PLBD1: variants seen among roughly 807,000 people sequenced by gnomAD.
PLBD1 encodes the protein lysosomal leucine aminopeptidase.
Under a neutral mutation model 63.0 loss-of-function variants are expected in PLBD1, and 60 were observed. That is an observed-to-expected ratio of 0.95 (90% confidence interval 0.77 to 1.18). The LOEUF (loss-of-function observed/expected upper bound fraction) is 1.18, where lower values mean the gene tolerates loss of function less well. Among genes scored for constraint, PLBD1 ranks in the 50% most tolerant of loss-of-function variants. The pLI is 0.00. For synonymous variants in PLBD1, 262 were observed against 248.0 expected (o/e 1.06, Z -0.53); for missense variants, 598 against 677.9 (o/e 0.88, Z 1.31).
At chr12:14,545,115 T>C (rs899930658) in intron 2 of PLBD1, among the ~76,000 whole-genome samples, 1 of 152,186 alleles carries the variant, frequency 6.6e-6, no homozygotes, top group African/African-American at 2.4e-5. Context: ...TCCTATGGAA[T>C]ATTGCAGTGA....
At chr12:14,558,219 T>G (rs1945721622) in intron 1 of PLBD1, among the ~76,000 whole-genome samples, 1 of 152,050 alleles carries the variant, frequency 6.6e-6, no homozygotes, top group African/African-American at 2.4e-5. Context: ...TAGGCCTAAG[T>G]CAATTGACTT....
At chr12:14,510,070 T>C (rs1170943710) in intron 8 of PLBD1, among the ~76,000 whole-genome samples, 2 of 152,128 alleles carry the variant, frequency 1.3e-5, no homozygotes, top group African/African-American at 4.8e-5. Context: ...ATCAAAGATG[T>C]TGATATTTCT....
At chr12:14,527,121 C>T (rs979458720) in intron 6 of PLBD1, among the ~76,000 whole-genome samples, 4 of 152,134 alleles carry the variant, frequency 2.6e-5, no homozygotes, top group East Asian at 1.9e-4. Context: ...GAACTACTAC[C>T]GTATAAATTT....
At chr12:14,563,969 T>C (rs987979282) in intron 1 of PLBD1, among the ~76,000 whole-genome samples, 12 of 152,232 alleles carry the variant, frequency 7.9e-5, no homozygotes, top group Admixed American at 7.8e-4. Flanking sequence ...CCAGGTGCAG[T>C]GGCGGTCGCC....
At chr12:14,565,318 T>C (rs1206370761) in intron 1 of PLBD1, among the ~76,000 whole-genome samples, 1 of 151,792 alleles carries the variant, frequency 6.6e-6, no homozygotes, top group East Asian at 1.9e-4. Flanking sequence ...ATATAAAAAT[T>C]AGCTGGGCGT....
chr12:14,523,637 A>G (rs560613451), intron 6 of PLBD1, among the ~76,000 whole-genome samples: 1 of 152,326 alleles, frequency 6.6e-6, no homozygotes, highest in East Asian at 1.9e-4. Context: ...AGACATATAT[A>G]CTAATAAGAC....
intron 6 of PLBD1, among the ~76,000 whole-genome samples, chr12:14,513,749 C>T (rs575010300): frequency 4.6e-5 from 7 of 151,824 alleles, no homozygotes; most frequent in African/African-American, 1.7e-4. Context: ...AGGAAAGTTA[C>T]ACGATGAGAG....
chr12:14,511,080 T>C (rs1185749818), intron 8 of PLBD1, among the ~76,000 whole-genome samples, 180 bp downstream of exon 8: 2 of 152,208 alleles, frequency 1.3e-5, no homozygotes, highest in Non-Finnish European at 2.9e-5. Context: ...CTATAAGAGT[T>C]TGAGATGTAG....
intron 2 of PLBD1, among the ~76,000 whole-genome samples, chr12:14,550,793 T>A (rs9788135): frequency 0.027 from 4,170 of 151,886 alleles, 119 homozygotes; most frequent in African/African-American, 0.073. Context: ...CAGAAAAATC[T>A]CCTGAACCCG....
At chr12:14,515,897 C>CAA (rs71067801) in intron 6 of PLBD1, among the ~76,000 whole-genome samples, 17,918 of 143,740 alleles carry the variant, frequency 0.12, 1,250 homozygotes, top group Non-Finnish European at 0.17. Flanking sequence ...ACTAAAAATA[C>CAA]AAAAAAAAAA....
intron 6 of PLBD1, among the ~76,000 whole-genome samples, chr12:14,523,248 T>C (rs1468160112): frequency 6.6e-6 from 1 of 152,096 alleles, no homozygotes; most frequent in African/African-American, 2.4e-5. Flanking sequence ...GGCAATTCCA[T>C]TTACTACAGC....
intron 6 of PLBD1, among the ~76,000 whole-genome samples, chr12:14,527,076 T>C (rs1357421186): frequency 2.0e-5 from 3 of 152,216 alleles, no homozygotes; most frequent in Non-Finnish European, 4.4e-5. Context: ...AACATATATA[T>C]ATTTTGTTAA....
chr12:14,535,730 T>C lies in PLBD1; in HGVS notation c.773A>G (p.Tyr258Cys). The C allele has an allele frequency of 1.2e-6, 2 of 1,614,008 alleles. No homozygotes were observed. Among genetic ancestry groups the C allele is most frequent in the Non-Finnish European group, 1.7e-6 (2 of 1,179,868 alleles). Reference sequence around the variant, plus strand: ...TATGACGTTGAAGTCCCAGTGTTTATATATCCTGAGCATGGCTGCATACGT... The same window carrying C: ...TATGACGTTGAAGTCCCAGTGTTTACATATCCTGAGCATGGCTGCATACGT... ...WYTYAAMLRI[Y>C]KHWDFNVIDK... The change falls in exon 6 of 11, where the codon TAT (tyrosine) becomes TGT (cysteine). Residue 258 changes from tyrosine (Y) to cysteine (C), a missense_variant. Tyr to Cys is a radical substitution (Grantham distance 194). Coordinates refer to ENST00000240617, the MANE Select transcript of PLBD1 (RefSeq NM_024829.6).
At position 14,539,708 on chromosome 12, in the gene PLBD1, C is replaced by T. The variant is rs1449569578; in HGVS notation, c.558+1056G>A. On this transcript the variant is annotated intron_variant, in intron 4 of 10. Coordinates refer to ENST00000240617, the MANE Select transcript of PLBD1 (RefSeq NM_024829.6). ...GGATGAGGCAGGAGAATCACCTGAA[C>T]CCAGGAGGCAGAGGTTGCAGTGAGC... 5.3e-5 allele frequency among the ~76,000 whole-genome samples: 8 copies of T among 151,024 alleles called. 1 individual carries two copies. In the South Asian group the frequency reaches 8.4e-4, roughly 16 times the overall value.
intron 6 of PLBD1, among the ~76,000 whole-genome samples, chr12:14,521,977 A>T (rs1196573396): frequency 1.3e-5 from 2 of 152,096 alleles, no homozygotes; most frequent in Non-Finnish European, 2.9e-5. Context: ...GGAGCTGAAG[A>T]CTTTAATGAA....
intron 8 of PLBD1, among the ~76,000 whole-genome samples, chr12:14,510,192 G>A (rs1945285902): frequency 6.6e-6 from 1 of 152,150 alleles, no homozygotes; most frequent in African/African-American, 2.4e-5. Context: ...GAGGTCAGGA[G>A]TTCAACCTGG....
At position 14,503,811 on chromosome 12, in the gene PLBD1, A is replaced by G; in HGVS notation, c.1623T>C (p.Phe541=). ...QGMPEVYNFD[F]ITMKPILKLD... is the part of the protein sequence containing the mutation. ...GTTTCAAAATTGGTTTCATGGTAAT[A>G]AAATCAAAGTTGTAGACCTCTGGCA... The change falls in exon 11 of 11, where the codon TTT becomes TTC. Residue 541 remains phenylalanine (F), a synonymous_variant. Coordinates refer to ENST00000240617, the MANE Select transcript of PLBD1 (RefSeq NM_024829.6). The G allele has an allele frequency of 6.2e-7, 1 of 1,613,840 alleles. No homozygotes were observed. The highest frequency in any genetic ancestry group is 8.5e-7 in the Non-Finnish European group (1 of 1,179,828).
intron 6 of PLBD1, among the ~76,000 whole-genome samples, chr12:14,527,332 T>A (rs1333160332): frequency 6.6e-6 from 1 of 152,068 alleles, no homozygotes; most frequent in Non-Finnish European, 1.5e-5. Flanking sequence ...ATCTCAAACA[T>A]AAAAAAACCC....
chr12:14,547,856 T>C (rs995260591), intron 2 of PLBD1, among the ~76,000 whole-genome samples: 2 of 152,174 alleles, frequency 1.3e-5, no homozygotes, highest in Non-Finnish European at 2.9e-5. Context: ...TCCATTTGTC[T>C]GTGGTAGCGG....
Sources: allele counts gnomAD v4.1 joint callset (sites outside exome capture counted in the v4.1 genomes callset), GRCh38; gene constraint gnomAD v4.1.1; transcripts MANE v1.5; gene names NCBI Gene and HGNC (gene_info 2026-07-23, HGNC 2026-07-21).